The following FREM1 variants were observed in gnomAD, a reference collection of about 807,000 sequenced individuals.
The protein encoded by FREM1 is FRAS1 related extracellular matrix 1, also known as FRAS1-related extracellular matrix protein 1.
Under a neutral mutation model 210.1 loss-of-function variants are expected in FREM1, and 220 were observed. The observed-to-expected ratio is 1.05, with a 90% CI of 0.94 to 1.17. FREM1 has a LOEUF of 1.17. Ranked by LOEUF, FREM1 falls within the 50% of genes most tolerant of loss-of-function variation. FREM1 has a pLI of 0.00. For synonymous variants in FREM1, 1,189 were observed against 980.2 expected, an observed-to-expected ratio of 1.21 and a Z score of -3.98; for missense variants, 3,454 against 2,675.5, an observed-to-expected ratio of 1.29 and a Z score of -6.42.
chr9:14,876,467 T>C (rs1437285500), intron 1 of FREM1, among the ~76,000 whole-genome samples: 1 of 152,152 alleles, frequency 6.6e-6, no homozygotes, highest in Non-Finnish European at 1.5e-5. Context: ...TCCGTGGGCG[T>C]AGGACCCTCT....
intron 36 of FREM1, 24 bp downstream of exon 36, chr9:14,740,125 G>A (rs772431242): frequency 6.5e-6 from 10 of 1,542,364 alleles, no homozygotes; most frequent in Non-Finnish European, 9.0e-6. Flanking sequence ...CCTCCTCAGT[G>A]CAGCCTCCCT....
chr9:14,776,492 C>T lies in FREM1; in HGVS notation c.4443-289G>A, dbSNP rs78760236. ...ATCATATTTCTCAGGCTCATCAGTG[C>T]TTAATGTGGTTCCTTGACGCAAATA... On this transcript the variant is annotated intron_variant, in intron 24 of 36. Transcript: ENST00000380880. 6.8e-3 allele frequency among the ~76,000 whole-genome samples: 1,038 copies of T among 152,278 alleles called. 11 individuals are homozygous for T. Among genetic ancestry groups the T allele is most frequent in the African/African-American group, 0.023 (943 of 41,558 alleles).
At chr9:14,823,816 T>C (rs1821822121) in intron 12 of FREM1, among the ~76,000 whole-genome samples, 1 of 152,218 alleles carries the variant, frequency 6.6e-6, no homozygotes. Context: ...GTAAAATTAC[T>C]GAAAAGATTG....
At chr9:14,867,674 T>A (rs1831799674) in intron 2 of FREM1, among the ~76,000 whole-genome samples, 1 of 152,198 alleles carries the variant, frequency 6.6e-6, no homozygotes, top group East Asian at 1.9e-4. Context: ...CACTTTTCAA[T>A]AACCTCGTGG....
intron 5 of FREM1, among the ~76,000 whole-genome samples, chr9:14,856,914 G>C (rs1254940203): frequency 2.6e-5 from 4 of 151,608 alleles, no homozygotes; most frequent in Non-Finnish European, 4.4e-5. Flanking sequence ...AAATTATAGA[G>C]TTCATGAATC....
At chr9:14,805,881 A>G (rs1381604271) in intron 18 of FREM1, among the ~76,000 whole-genome samples, 1 of 152,188 alleles carries the variant, frequency 6.6e-6, no homozygotes, top group East Asian at 1.9e-4. Flanking sequence ...TATCTGGGAC[A>G]CGTTTTGGCT....
chr9:14,750,449 C>A (rs911782985), intron 29 of FREM1, among the ~76,000 whole-genome samples, 173 bp from the exon 30 acceptor site: 1 of 152,114 alleles, frequency 6.6e-6, no homozygotes, highest in Admixed American at 6.5e-5. Context: ...ATGAAAAGAC[C>A]ACATTTGTTC....
chr9:14,883,271 A>G (rs1835147364), intron 1 of FREM1, among the ~76,000 whole-genome samples: 1 of 152,250 alleles, frequency 6.6e-6, no homozygotes, highest in South Asian at 2.1e-4. Context: ...GAGGGGGGAA[A>G]AGTACAAGAG....
At chr9:14,831,451 G>C (rs1489837406) in intron 10 of FREM1, among the ~76,000 whole-genome samples, 1 of 152,194 alleles carries the variant, frequency 6.6e-6, no homozygotes, top group South Asian at 2.1e-4. Context: ...TAACAATTAA[G>C]AGTAAAACGT....
intron 5 of FREM1, among the ~76,000 whole-genome samples, chr9:14,853,252 T>A (rs553237116): frequency 1.3e-5 from 2 of 152,326 alleles, no homozygotes; most frequent in East Asian, 3.9e-4. Flanking sequence ...TTCTTGTTTG[T>A]GGCAACAAGG....
intron 12 of FREM1, 113 bp from the exon 13 acceptor site, chr9:14,823,440 A>C: frequency 1.2e-6 from 1 of 866,104 alleles, no homozygotes; most frequent in Non-Finnish European, 1.7e-6. Context: ...AAATGCCACC[A>C]TCATCACTTT....
chr9:14,776,209 A>G lies in FREM1; in HGVS notation c.4443-6T>C. The G allele has an allele frequency of 6.6e-7, 1 of 1,514,370 alleles. No individual in the cohort carries two copies. Among genetic ancestry groups the G allele is most frequent in the Non-Finnish European group, 8.8e-7 (1 of 1,132,184 alleles). 93.8% of individuals were successfully genotyped at this position (1,514,370 alleles called of 1,614,324 possible). Reference sequence around the variant, plus strand: ...GTCCATTGCTGATGATGAATCTGGTAAAGAGAGGCAAGGCAGCCTTCAGCA... The same window carrying G: ...GTCCATTGCTGATGATGAATCTGGTGAAGAGAGGCAAGGCAGCCTTCAGCA... On this transcript the variant is annotated splice_region_variant and splice_polypyrimidine_tract_variant and intron_variant, in intron 24 of 36. Transcript: ENST00000380880.
In FREM1 at chr9:14,816,714, T is replaced by C. The variant is rs116216987; in HGVS notation, c.2640+64A>G. Reference sequence around the variant, plus strand: ...TCATTATAAATTACCCAGTCTGTAGTATTGTGTTATGGCAGCACAAAACAG... The same window carrying C: ...TCATTATAAATTACCCAGTCTGTAGCATTGTGTTATGGCAGCACAAAACAG... On this transcript the variant is annotated intron_variant, in intron 15 of 36. Transcript: ENST00000380880. The C allele has an allele frequency of 6.2e-3, 4,656 of 752,918 alleles. 156 individuals carry two copies. In the African/African-American group the frequency reaches 0.075, roughly 12 times the overall value. 46.6% of individuals were successfully genotyped at this position (752,918 alleles called of 1,614,324 possible).
At chr9:14,748,301 T>C in intron 31 of FREM1, 100 bp downstream of exon 31, 1 of 722,946 alleles carries the variant, frequency 1.4e-6, no homozygotes, top group Admixed American at 2.7e-5. Flanking sequence ...ACTATGAGAA[T>C]CAAAACAGCT....
chr9:14,861,254 T>TATATACAC (rs1334544622), intron 3 of FREM1, among the ~76,000 whole-genome samples: 7 of 66,288 alleles, frequency 1.1e-4, no homozygotes, highest in Non-Finnish European at 1.9e-4. Flanking sequence ...CATATATACA[T>TATATACAC]ATATACACAT....
intron 16 of FREM1, among the ~76,000 whole-genome samples, chr9:14,811,099 T>G (rs920518292): frequency 6.6e-6 from 1 of 152,178 alleles, no homozygotes; most frequent in Non-Finnish European, 1.5e-5. Context: ...TAACTACCAA[T>G]TGAATAAGTG....
chr9:14,806,348 T>G (rs551122894), intron 18 of FREM1, among the ~76,000 whole-genome samples: 1 of 150,592 alleles, frequency 6.6e-6, no homozygotes, highest in South Asian at 2.1e-4. Flanking sequence ...CTCTGCCTCC[T>G]GGTTTCAAGC....
intron 3 of FREM1, among the ~76,000 whole-genome samples, chr9:14,860,865 A>ACG (rs1830023294): frequency 1.9e-5 from 1 of 52,536 alleles, no homozygotes; most frequent in African/African-American, 1.8e-4. Flanking sequence ...ATATATACAC[A>ACG]TATATATACG....
intron 1 of FREM1, among the ~76,000 whole-genome samples, chr9:14,871,954 G>T (rs2131917441): frequency 6.6e-6 from 1 of 152,244 alleles, no homozygotes; most frequent in Middle Eastern, 3.4e-3. Context: ...TGTCAGGTTT[G>T]TCAAAGATCA....
Sources: allele counts gnomAD v4.1 joint callset (sites outside exome capture counted in the v4.1 genomes callset), GRCh38; gene constraint gnomAD v4.1.1; transcripts MANE v1.5; gene names NCBI Gene and HGNC (gene_info 2026-07-23, HGNC 2026-07-21).